The following PRICKLE1 variants were observed in gnomAD, a reference collection of about 807,000 sequenced individuals.
PRICKLE1 encodes the protein prickle planar cell polarity protein 1, also known as prickle-like protein 1.
A neutral mutation model predicts 70.2 loss-of-function variants in PRICKLE1; 14 were observed. The observed-to-expected ratio is 0.20, with a 90% CI of 0.13 to 0.31. PRICKLE1 has a LOEUF of 0.31. Among genes scored for constraint, PRICKLE1 ranks in the 10% least tolerant of loss-of-function variants. The pLI is 1.00. For missense variants in PRICKLE1, 821 were observed against 1,026.2 expected (o/e 0.80, Z 2.73); for synonymous variants, 357 against 379.9 (o/e 0.94, Z 0.70).
At chr12:42,521,323 T>C (rs1352619660) in intron 1 of PRICKLE1, among the ~76,000 whole-genome samples, 2 of 152,208 alleles carry the variant, frequency 1.3e-5, no homozygotes, top group Non-Finnish European at 2.9e-5. Flanking sequence ...AACATTGTAT[T>C]TCTTTACTAA....
rs1419149956 is a variant in PRICKLE1, at chr12:42,458,906, T to C, written c.*903A>G. The stretch of plus-strand genomic sequence containing the variant: ...CCATAAGTAACACTTGTAAGATTAA[T>C]AGGGCCATAGTTTTAAAGAGTACTT... On this transcript the variant is annotated 3_prime_UTR_variant, in exon 8 of 8. Transcript: ENST00000345127. The C allele has an allele frequency of 5.6e-6, 1 of 177,900 alleles. No individual in the cohort carries two copies. The highest frequency in any genetic ancestry group is 1.2e-5 in the Non-Finnish European group (1 of 82,828). The allele number at this position is 177,900 out of a possible 1,614,324, so 11.0% of individuals were successfully genotyped here.
rs768868836 is a variant in PRICKLE1 at position 42,488,922 on chromosome 12, C to CTTTTTTTTTT, written c.-48-16368_-48-16359dup. Reference sequence around the variant, plus strand: ...GTAAACCTTTTCTCTATCAATCTATCTTTTTTTTTTTTTTTTTTAAGACAG... The same window carrying CTTTTTTTTTT: ...GTAAACCTTTTCTCTATCAATCTATCTTTTTTTTTTTTTTTTTTTTTTTTTTTTAAGACAG... On this transcript the variant is annotated intron_variant, in intron 1 of 7. Transcript: ENST00000345127. Among the ~76,000 whole-genome samples the CTTTTTTTTTT allele has an allele frequency of 2.7e-3, 351 of 130,832 alleles. 2 individuals are homozygous for CTTTTTTTTTT. Among genetic ancestry groups the CTTTTTTTTTT allele is most frequent in the African/African-American group, 9.7e-3 (334 of 34,314 alleles). The allele number at this position is 130,832 out of a possible 152,430, so 85.8% of individuals were successfully genotyped here. A position where few individuals can be genotyped will look rare whatever the true frequency, so the allele number is the denominator to read the frequency against.
At chr12:42,552,223 C>G (rs895103937) in intron 1 of PRICKLE1, among the ~76,000 whole-genome samples, 4 of 151,948 alleles carry the variant, frequency 2.6e-5, no homozygotes, top group African/African-American at 9.7e-5. Context: ...CATGCCACCA[C>G]GCCCGGCTAA....
At chr12:42,490,903 C>T (rs1939088029) in intron 1 of PRICKLE1, among the ~76,000 whole-genome samples, 1 of 151,972 alleles carries the variant, frequency 6.6e-6, no homozygotes, top group South Asian at 2.1e-4. Context: ...ATAGTCTTAA[C>T]TCTGTCACTC....
At chr12:42,537,558 C>A (rs188506469) in intron 1 of PRICKLE1, among the ~76,000 whole-genome samples, 11 of 152,224 alleles carry the variant, frequency 7.2e-5, no homozygotes, top group African/African-American at 2.4e-4. Flanking sequence ...GGCTTGAATA[C>A]CAACTCTGTT....
intron 1 of PRICKLE1, among the ~76,000 whole-genome samples, chr12:42,557,455 G>A (rs149920229): frequency 3.9e-5 from 6 of 152,242 alleles, no homozygotes; most frequent in Non-Finnish European, 8.8e-5. Flanking sequence ...GTGTACAAGA[G>A]CAGCAGATAA....
chr12:42,517,555 G>A (rs1184903061), intron 1 of PRICKLE1, among the ~76,000 whole-genome samples: 7 of 151,918 alleles, frequency 4.6e-5, no homozygotes, highest in African/African-American at 7.3e-5. Context: ...CTCGTGATCC[G>A]CCCATCTTGG....
rs551119095 is a variant in PRICKLE1, at chr12:42,497,362, G to A, written c.-48-24798C>T. 3.2e-4 allele frequency among the ~76,000 whole-genome samples: 49 copies of A among 151,996 alleles called. No homozygotes were observed. The South Asian group carries it at 3.3e-3, about 10-fold the overall frequency. ...AGATCAAGATCATCCTGGCTAACAC[G>A]GTGAAACCCTGTCTCTACTAAAAAT... On this transcript the variant is annotated intron_variant, in intron 1 of 7. Coordinates refer to ENST00000345127, the MANE Select transcript of PRICKLE1 (RefSeq NM_153026.3).
At chr12:42,535,887 T>A (rs1365307796) in intron 1 of PRICKLE1, among the ~76,000 whole-genome samples, 6 of 152,230 alleles carry the variant, frequency 3.9e-5, no homozygotes, top group African/African-American at 1.4e-4. Context: ...TGACGATCTG[T>A]GCTAGGTGTA....
At chr12:42,524,299 C>T (rs1031158551) in intron 1 of PRICKLE1, among the ~76,000 whole-genome samples, 6 of 152,142 alleles carry the variant, frequency 3.9e-5, no homozygotes, top group African/African-American at 7.2e-5. Context: ...AATATTTTTC[C>T]TACTAATCCA....
At chr12:42,549,801 C>A (rs1940281116) in intron 1 of PRICKLE1, among the ~76,000 whole-genome samples, 1 of 152,232 alleles carries the variant, frequency 6.6e-6, no homozygotes, top group Non-Finnish European at 1.5e-5. Flanking sequence ...CTGGCCCCAG[C>A]CTATCAGTCT....
intron 1 of PRICKLE1, among the ~76,000 whole-genome samples, chr12:42,549,777 A>G (rs2120645412): frequency 6.6e-6 from 1 of 152,294 alleles, no homozygotes; most frequent in African/African-American, 2.4e-5. Context: ...CAAAGCTCCA[A>G]AGGGCATCAT....
At chr12:42,588,982 G>A (rs1392666833) in intron 1 of PRICKLE1, among the ~76,000 whole-genome samples, 2 of 152,130 alleles carry the variant, frequency 1.3e-5, no homozygotes, top group African/African-American at 4.8e-5. Context: ...GGGGAGAGTG[G>A]TGGGAGTTGA....
chr12:42,483,812 G>T (rs1235019779), intron 1 of PRICKLE1: 1 of 150,942 alleles, frequency 6.6e-6, no homozygotes, highest in Non-Finnish European at 1.5e-5. Flanking sequence ...CTCCAGCTCC[G>T]CAGAGACCCT....
intron 1 of PRICKLE1, among the ~76,000 whole-genome samples, chr12:42,584,660 G>C (rs978821077): frequency 6.6e-6 from 1 of 152,042 alleles, no homozygotes; most frequent in Non-Finnish European, 1.5e-5. Context: ...AACACACTTC[G>C]AAATGCTTTT....
intron 1 of PRICKLE1, among the ~76,000 whole-genome samples, chr12:42,573,750 G>A (rs1356901486): frequency 1.3e-5 from 2 of 151,964 alleles, no homozygotes; most frequent in Admixed American, 1.3e-4. Context: ...GCCCAGGCTG[G>A]TCTCAAACTC....
Position 42,457,180 on chromosome 12 carries a change from A to C in PRICKLE1, c.*2629T>G, listed in dbSNP as rs1937627266. The C allele has an allele frequency of 6.6e-6, 1 of 150,488 alleles. No homozygotes were observed. Among genetic ancestry groups the C allele is most frequent in the South Asian group, 2.1e-4 (1 of 4,766 alleles). The allele number at this position is 150,488 out of a possible 1,614,324, so 9.3% of individuals were successfully genotyped here. A position where few individuals can be genotyped will look rare whatever the true frequency, so the allele number is the denominator to read the frequency against. On this transcript the variant is annotated 3_prime_UTR_variant, in exon 8 of 8. Transcript: ENST00000345127. ...CAACAGGAGCGAAACTCCATCTCAA[A>C]AAAAAAAAAAAAAGGAAAAGAAAGT...
At chr12:42,531,933 A>C (rs1290818225) in intron 1 of PRICKLE1, among the ~76,000 whole-genome samples, 1 of 152,192 alleles carries the variant, frequency 6.6e-6, no homozygotes, top group Non-Finnish European at 1.5e-5. Flanking sequence ...CGAAGTGGGA[A>C]GATCGCTTGA....
intron 1 of PRICKLE1, chr12:42,584,507 C>T (rs545247779): frequency 9.9e-5 from 15 of 151,980 alleles, no homozygotes; most frequent in Admixed American, 3.3e-4. Flanking sequence ...AATATTATAG[C>T]ACATTAAGTG....
Sources: gnomAD v4.1 joint callset for allele counts (sites outside exome capture counted in the v4.1 genomes callset) on GRCh38, gnomAD v4.1.1 for gene constraint, MANE v1.5 for transcripts, NCBI Gene and HGNC (gene_info 2026-07-23, HGNC 2026-07-21) for gene names.